The following ARHGEF4 variants were observed in gnomAD, a reference collection of about 807,000 sequenced individuals.
ARHGEF4 encodes the protein Rho guanine nucleotide exchange factor 4, also known as APC-stimulated guanine nucleotide exchange factor 1.
A neutral mutation model predicts 162.0 loss-of-function variants in ARHGEF4; 119 were observed. The ratio of observed to expected loss-of-function variants is 0.73; its 90% confidence interval spans 0.63 to 0.86. ARHGEF4 has a LOEUF of 0.86. Among genes scored for constraint, ARHGEF4 ranks in the 40% least tolerant of loss-of-function variants. The pLI, the probability that ARHGEF4 is intolerant of heterozygous loss-of-function variation, is 0.00. For missense variants in ARHGEF4, 2,488 were observed against 2,456.0 expected (o/e 1.01, Z -0.28); for synonymous variants, 1,014 against 979.9 (o/e 1.03, Z -0.65).
rs996198482 is a variant in ARHGEF4 at position 130,991,564 on chromosome 2, G to A, written c.3986-36381G>A. Among the ~76,000 whole-genome samples, 5 of 152,214 alleles carry A rather than the reference G, an allele frequency of 3.3e-5. 1 individual carries two copies. Among genetic ancestry groups the A allele is most frequent in the African/African-American group, 4.8e-5 (2 of 41,452 alleles). On this transcript the variant is annotated intron_variant, in intron 4 of 13. Coordinates refer to ENST00000409359, the MANE Select transcript of ARHGEF4 (RefSeq NM_001367493.1). ...GCAGCCGGCCGGCCCTGCCGGCCCC[G>A]GGCAATGAGGGAATTAGCACCCGGG...
At chr2:130,969,152 G>T (rs1449723121) in intron 4 of ARHGEF4, among the ~76,000 whole-genome samples, 1 of 152,088 alleles carries the variant, frequency 6.6e-6, no homozygotes, top group African/African-American at 2.4e-5. Flanking sequence ...CTGAAGCTGG[G>T]AAAATCATCT....
At position 131,037,131 on chromosome 2, in the gene ARHGEF4, G is replaced by C. The variant is rs1690355036; in HGVS notation, c.4126-1722G>C. On this transcript the variant is annotated intron_variant, in intron 5 of 13. Transcript: ENST00000409359. ...GCCTGGGACCCCGTGGAGGCCTCTG[G>C]AGGTCTGCAGCCCCCGCGTGGCTGC... Among the ~76,000 whole-genome samples, 3 of 152,208 alleles carry C rather than the reference G, an allele frequency of 2.0e-5. No individual in the cohort carries two copies. The South Asian group carries it at 6.2e-4, about 32-fold the overall frequency.
intron 4 of ARHGEF4, among the ~76,000 whole-genome samples, chr2:131,009,471 T>C (rs1048817213): frequency 2.0e-5 from 3 of 152,168 alleles, no homozygotes; most frequent in Admixed American, 6.5e-5. Context: ...TTCTGCTTCA[T>C]TCACTCTCTC....
chr2:130,944,048 T>C (rs1314189200), intron 3 of ARHGEF4, among the ~76,000 whole-genome samples: 7 of 152,234 alleles, frequency 4.6e-5, no homozygotes, highest in Non-Finnish European at 1.0e-4. Flanking sequence ...TTCCTGAACA[T>C]ACTTTTGCTG....
intron 2 of ARHGEF4, among the ~76,000 whole-genome samples, chr2:130,919,881 A>T (rs1377793898): frequency 6.6e-6 from 1 of 152,108 alleles, no homozygotes; most frequent in Non-Finnish European, 1.5e-5. Context: ...CTCTCAAAAA[A>T]AAAAAAAGTG....
At chr2:130,841,215 C>T (rs1329339019) in intron 1 of ARHGEF4, among the ~76,000 whole-genome samples, 1 of 152,074 alleles carries the variant, frequency 6.6e-6, no homozygotes, top group Non-Finnish European at 1.5e-5. Flanking sequence ...CAGGCACGCA[C>T]CACCATGCCT....
At chr2:130,991,897 A>C (rs1041382558) in intron 4 of ARHGEF4, among the ~76,000 whole-genome samples, 1 of 152,250 alleles carries the variant, frequency 6.6e-6, no homozygotes, top group Non-Finnish European at 1.5e-5. Context: ...GGGTGAAGCC[A>C]GCTGGGCTCC....
At chr2:130,900,287 A>G (rs1680411030) in intron 1 of ARHGEF4, among the ~76,000 whole-genome samples, 2 of 152,352 alleles carry the variant, frequency 1.3e-5, no homozygotes, top group East Asian at 3.9e-4. Context: ...TCTGTCTAGT[A>G]GTCCTATCTA....
chr2:130,867,332 G>A (rs562895180), intron 1 of ARHGEF4, among the ~76,000 whole-genome samples: 6 of 151,658 alleles, frequency 4.0e-5, no homozygotes, highest in South Asian at 2.1e-4. Flanking sequence ...TCCGTCTCCC[G>A]GGTTCAAGTG....
intron 1 of ARHGEF4, among the ~76,000 whole-genome samples, chr2:130,886,479 A>G (rs960684997): frequency 1.3e-5 from 2 of 151,892 alleles, no homozygotes; most frequent in Admixed American, 1.3e-4. Flanking sequence ...GGAGATCGAG[A>G]CTATCCTGGC....
At chr2:130,978,291 G>A (rs1204174813) in intron 4 of ARHGEF4, among the ~76,000 whole-genome samples, 1 of 152,136 alleles carries the variant, frequency 6.6e-6, no homozygotes. Context: ...TCCATACCAT[G>A]GCTGACCATG....
chr2:130,896,235 T>C (rs186513420), intron 1 of ARHGEF4, among the ~76,000 whole-genome samples: 1 of 152,364 alleles, frequency 6.6e-6, no homozygotes. Flanking sequence ...ACATGAACTT[T>C]TGTTCTTTCT....
chr2:130,995,177 G>A (rs1255847694), intron 4 of ARHGEF4, among the ~76,000 whole-genome samples: 1 of 152,228 alleles, frequency 6.6e-6, no homozygotes, highest in Non-Finnish European at 1.5e-5. Flanking sequence ...ACTTCCCTGT[G>A]AATGAATGTG....
chr2:131,036,544 G>A (rs1228236911), intron 5 of ARHGEF4, among the ~76,000 whole-genome samples: 2 of 152,310 alleles, frequency 1.3e-5, no homozygotes, highest in South Asian at 2.1e-4. Context: ...CCTCTTGCCC[G>A]ACACCTGGTG....
intron 4 of ARHGEF4, among the ~76,000 whole-genome samples, chr2:130,982,564 CCTCCTCCCCCTT>C (rs897286672): frequency 6.6e-6 from 1 of 150,812 alleles, no homozygotes; most frequent in Non-Finnish European, 1.5e-5. Flanking sequence ...TTCGCCTCCT[CCTCCTCCCCCTT>C]CTCCTCCCCC....
intron 4 of ARHGEF4, among the ~76,000 whole-genome samples, chr2:130,987,952 C>T (rs948824748): frequency 1.3e-5 from 2 of 152,292 alleles, no homozygotes; most frequent in African/African-American, 4.8e-5. Flanking sequence ...AGCTGTACCA[C>T]TCACTGTGAC....
At position 130,915,820 on chromosome 2, in the gene ARHGEF4, C is replaced by G; in HGVS notation, c.1874C>G (p.Ser625Trp). The change falls in exon 2 of 14, where the codon TCG becomes TGG. Residue 625 changes from serine to tryptophan, a missense_variant. By Grantham distance (177) the Ser-to-Trp change is radical. Transcript: ENST00000409359. ...GAGCCCAAAGCAGGCGGCGAGGCCT[C>G]GAGGGGCAGGGGCGCCCTCATCATT... ...QLEPKAGGEA[S>W]RGRGALIIVA... 6 of 1,525,468 alleles carry G rather than the reference C, an allele frequency of 3.9e-6. No homozygotes were observed. The highest frequency in any genetic ancestry group is 2.5e-5 in the East Asian group (1 of 40,658). 94.5% of individuals were successfully genotyped at this position (1,525,468 alleles called of 1,614,324 possible).
In ARHGEF4 at chr2:130,984,688, T is replaced by TAAAA. The variant is rs78222237; in HGVS notation, c.3985+38067_3985+38070dup. Among the ~76,000 whole-genome samples the TAAAA allele has an allele frequency of 1.7e-3, 230 of 137,484 alleles. 2 individuals carry two copies. The East Asian group carries it at 0.032, about 19-fold the overall frequency. 90.2% of individuals were successfully genotyped at this position (137,484 alleles called of 152,430 possible). A position where few individuals can be genotyped will look rare whatever the true frequency, so the allele number is the denominator to read the frequency against. On this transcript the variant is annotated intron_variant, in intron 4 of 13. Transcript: ENST00000409359. Reference sequence around the variant, plus strand: ...TAGTTGACAGAGCAAGGCTCTGTCTTAAAAAAAAAAAAAAAAATCAAGTTT... The same window carrying TAAAA: ...TAGTTGACAGAGCAAGGCTCTGTCTTAAAAAAAAAAAAAAAAAAAAATCAAGTTT...
At chr2:130,957,432 G>T (rs1358919837) in intron 4 of ARHGEF4, among the ~76,000 whole-genome samples, 1 of 152,190 alleles carries the variant, frequency 6.6e-6, no homozygotes, top group East Asian at 1.9e-4. Flanking sequence ...AATTTATAGA[G>T]ACAATAATCA....
Sources: allele counts gnomAD v4.1 joint callset (sites outside exome capture counted in the v4.1 genomes callset), GRCh38; gene constraint gnomAD v4.1.1; transcripts MANE v1.5; gene names NCBI Gene and HGNC (gene_info 2026-07-23, HGNC 2026-07-21).